The following MAP3K13 variants were observed in gnomAD, a reference collection of about 807,000 sequenced individuals.
The protein encoded by MAP3K13 is leucine zipper-bearing kinase.
Under a neutral mutation model 104.0 loss-of-function variants are expected in MAP3K13, and 52 were observed. The observed-to-expected ratio is 0.50, with a 90% CI of 0.40 to 0.63. The LOEUF is 0.63. Among genes scored for constraint, MAP3K13 ranks in the 20% least tolerant of loss-of-function variants. The pLI is 0.00. For missense variants in MAP3K13, 914 were observed against 1,218.5 expected (o/e 0.75, Z 3.72); for synonymous variants, 394 against 442.2 (o/e 0.89, Z 1.37).
intron 2 of MAP3K13, among the ~76,000 whole-genome samples, chr3:185,288,496 T>G (rs558252272): frequency 7.1e-6 from 1 of 139,894 alleles, no homozygotes; most frequent in Non-Finnish European, 1.5e-5. Flanking sequence ...TGTGTGTATA[T>G]ATATAGAGAG....
chr3:185,355,524 A>G (rs1723317939), intron 2 of MAP3K13, among the ~76,000 whole-genome samples: 1 of 151,958 alleles, frequency 6.6e-6, no homozygotes, highest in African/African-American at 2.4e-5. Context: ...ATCCCCAGCT[A>G]CTCAGAAGGC....
At chr3:185,459,467 G>C (rs544260329) in intron 7 of MAP3K13, among the ~76,000 whole-genome samples, 30 of 151,916 alleles carry the variant, frequency 2.0e-4, no homozygotes, top group Admixed American at 1.6e-3. Flanking sequence ...TTTTTTTTGA[G>C]ACAGAGTTTC....
rs752495262 is a variant in MAP3K13 at position 185,428,858 on chromosome 3, T to G, written c.277T>G (p.Ser93Ala). The change falls in exon 2 of 14, where the codon TCA becomes GCA. Residue 93 changes from serine to alanine, a missense_variant. Physicochemically the swap from Ser to Ala is moderately conservative, Grantham distance 99. Transcript: ENST00000265026. ...SVLQLREHDE[S>A]ETAVSQGNSN... ...TCTTCAGCTAAGGGAACACGATGAA[T>G]CAGAGACGGCGGTGTCTCAGGGGAA... 1.2e-6 allele frequency: 2 copies of G among 1,613,930 alleles called. No individual in the cohort carries two copies. Among genetic ancestry groups the G allele is most frequent in the African/African-American group, 2.7e-5 (2 of 74,864 alleles).
chr3:185,404,583 A>T (rs1042931874), intron 1 of MAP3K13, among the ~76,000 whole-genome samples: 2 of 152,126 alleles, frequency 1.3e-5, no homozygotes, highest in East Asian at 1.9e-4. Context: ...TTAATTTTTT[A>T]AAAATTTTTT....
rs1713397925 is a variant in MAP3K13 at position 185,410,835 on chromosome 3, T to C, written c.-85-17662T>C. Among the ~76,000 whole-genome samples the C allele has an allele frequency of 2.6e-5, 4 of 151,398 alleles. No homozygotes were observed. The South Asian group carries it at 8.4e-4, about 32-fold the overall frequency. ...CTGTAATCCCAGATACTTAGGAGGC[T>C]GAGGCAGGAGAATCGCTTGAACTCA... On this transcript the variant is annotated intron_variant, in intron 1 of 13. Transcript: ENST00000265026.
intron 7 of MAP3K13, among the ~76,000 whole-genome samples, chr3:185,456,813 C>G (rs1355473660): frequency 1.3e-5 from 2 of 152,044 alleles, no homozygotes; most frequent in African/African-American, 4.8e-5. Flanking sequence ...GTTGGCCAGG[C>G]TGGTCTCGAA....
intron 1 of MAP3K13, among the ~76,000 whole-genome samples, chr3:185,381,999 T>C (rs1390697393): frequency 6.6e-6 from 1 of 152,208 alleles, no homozygotes; most frequent in East Asian, 1.9e-4. Flanking sequence ...ATAATCAATA[T>C]GCTGCCATTT....
At chr3:185,294,670 T>G (rs945657819) in intron 2 of MAP3K13, among the ~76,000 whole-genome samples, 1 of 152,234 alleles carries the variant, frequency 6.6e-6, no homozygotes, top group African/African-American at 2.4e-5. Context: ...AAAAGGCTCA[T>G]TACTATATGT....
rs768515923 is a variant in MAP3K13, at chr3:185,450,083, T to C, written c.1169+25T>C. 8 of 1,579,944 alleles carry C rather than the reference T, an allele frequency of 5.1e-6. No homozygotes were observed. The South Asian group carries it at 7.0e-5, about 14-fold the overall frequency. On this transcript the variant is annotated intron_variant, in intron 6 of 13. Transcript: ENST00000265026. This position sits in a 1 kb window ranked among gnomAD's most constrained non-coding sequence, Gnocchi z 4.2. The stretch of plus-strand genomic sequence containing the variant: ...GGTAAGAATATTGTCTCTAAAACAA[T>C]AGGGAGGTCTCTAATGTGTATTTGG...
intron 7 of MAP3K13, among the ~76,000 whole-genome samples, chr3:185,459,477 C>T (rs562645784): frequency 1.8e-4 from 27 of 152,132 alleles, no homozygotes; most frequent in Non-Finnish European, 1.6e-4. Flanking sequence ...GACAGAGTTT[C>T]GCTCTTGTCA....
intron 2 of MAP3K13, among the ~76,000 whole-genome samples, chr3:185,330,418 G>A (rs1722222480): frequency 6.6e-6 from 1 of 151,912 alleles, no homozygotes; most frequent in Non-Finnish European, 1.5e-5. Flanking sequence ...TTGTCCTAAG[G>A]CTCTAGGGCT....
chr3:185,291,956 A>G (rs914760074), intron 2 of MAP3K13: 3 of 1,099,940 alleles, frequency 2.7e-6, no homozygotes, highest in Non-Finnish European at 3.3e-6. Context: ...TCATTGATAG[A>G]GAAGCATAAA....
intron 2 of MAP3K13, among the ~76,000 whole-genome samples, chr3:185,308,277 T>G (rs1289105977): frequency 6.6e-6 from 1 of 152,038 alleles, no homozygotes; most frequent in East Asian, 1.9e-4. Flanking sequence ...AGAAGTTTGC[T>G]GGTTTCTTTT....
chr3:185,460,180 C>T (rs1717016453), intron 7 of MAP3K13, among the ~76,000 whole-genome samples: 1 of 152,172 alleles, frequency 6.6e-6, no homozygotes, highest in East Asian at 1.9e-4. Flanking sequence ...CCATGACCCC[C>T]AGTGGATGCC....
chr3:185,361,494 G>T (rs1296539937), upstream of MAP3K13, among the ~76,000 whole-genome samples: 1 of 151,224 alleles, frequency 6.6e-6, no homozygotes, highest in Non-Finnish European at 1.5e-5. Context: ...TCCGCCTCCC[G>T]GGTTCACGCC....
At chr3:185,334,131 C>A (rs1042897361) in intron 2 of MAP3K13, among the ~76,000 whole-genome samples, 2 of 152,120 alleles carry the variant, frequency 1.3e-5, no homozygotes, top group African/African-American at 4.8e-5. Context: ...CACCTCTATA[C>A]TCAAGACTGT....
chr3:185,385,380 C>T (rs1305413231), intron 1 of MAP3K13, among the ~76,000 whole-genome samples: 1 of 152,102 alleles, frequency 6.6e-6, no homozygotes, highest in African/African-American at 2.4e-5. Flanking sequence ...GCCATGTTGG[C>T]CAGGCTGGTC....
chr3:185,430,999 G>C (rs918731672), intron 2 of MAP3K13, among the ~76,000 whole-genome samples: 6 of 152,222 alleles, frequency 3.9e-5, no homozygotes, highest in African/African-American at 1.4e-4. Flanking sequence ...AAGGCGAAGG[G>C]GAAGCAAGAA....
chr3:185,410,331 G>A (rs942655200), intron 1 of MAP3K13, among the ~76,000 whole-genome samples: 2 of 152,118 alleles, frequency 1.3e-5, no homozygotes, highest in Non-Finnish European at 2.9e-5. Flanking sequence ...GCAGAACAGA[G>A]GATTCTAGAG....
Sources: gnomAD v4.1 joint callset for allele counts (sites outside exome capture counted in the v4.1 genomes callset) on GRCh38, gnomAD v4.1.1 for gene constraint, Gnocchi (gnomAD v3.1) non-coding constraint, MANE v1.5 for transcripts, NCBI Gene and HGNC (gene_info 2026-07-23, HGNC 2026-07-21) for gene names.